Variants in HAUS6 observed in about 807,000 individuals in gnomAD.
The protein encoded by HAUS6 is HAUS augmin-like complex subunit 6.
Under a neutral mutation model 106.8 loss-of-function variants are expected in HAUS6, and 80 were observed. The observed-to-expected ratio is 0.75, with a 90% CI of 0.63 to 0.90. The LOEUF is 0.90. Ranked by LOEUF, HAUS6 falls within the 40% of genes least tolerant of loss-of-function variation. The pLI is 0.00. For synonymous variants in HAUS6, 356 were observed against 379.1 expected, an observed-to-expected ratio of 0.94 and a Z score of 0.71; for missense variants, 1,155 against 1,118.1, an observed-to-expected ratio of 1.03 and a Z score of -0.47.
rs763005651 is a variant in HAUS6, at chr9:19,058,215, G to C, written c.2552C>G (p.Ser851Cys). The change falls in exon 16 of 17, where the codon TCT becomes TGT. Residue 851 changes from serine to cysteine, a missense_variant. Transcript: ENST00000380502. The part of the protein sequence containing the change: ...KKSLSKKREE[S>C]YLSNSQTPER... ...GGGTGTTTGGGAATTCGAGAGGTAA[G>C]ATTCTTCCCTTTTCTTGGAAAGAGA... The C allele has an allele frequency of 3.7e-6, 6 of 1,613,786 alleles. No homozygotes were observed. Among genetic ancestry groups the C allele is most frequent in the South Asian group, 1.1e-5 (1 of 91,074 alleles).
In HAUS6 at chr9:19,067,467, C is replaced by T. The variant is rs188609815; in HGVS notation, c.1376+2752G>A. Among the ~76,000 whole-genome samples, 358 of 152,270 alleles carry T rather than the reference C, an allele frequency of 2.4e-3. 2 individuals are homozygous for T. The highest frequency in any genetic ancestry group is 3.9e-3 in the Non-Finnish European group (268 of 68,024). ...CATTTATCCCTCACCACCAGGCCTT[C>T]CCCTACCTCCCTTCAGTATTTCAAA... On this transcript the variant is annotated intron_variant, in intron 12 of 16. Coordinates refer to ENST00000380502, the MANE Select transcript of HAUS6 (RefSeq NM_017645.5).
intron 7 of HAUS6, among the ~76,000 whole-genome samples, chr9:19,084,407 G>A (rs10963948): frequency 0.38 from 57,860 of 151,982 alleles, 11,737 homozygotes; most frequent in Non-Finnish European, 0.45. Flanking sequence ...TAGGGTGCTG[G>A]TAACATCCTA....
chr9:19,093,428 C>G, intron 3 of HAUS6, 125 bp from the exon 4 acceptor site: 3 of 858,394 alleles, frequency 3.5e-6, no homozygotes, highest in Admixed American at 2.5e-5. Context: ...TTCATAAGTA[C>G]TATGCTATAG....
At chr9:19,097,404 A>G (rs1817886959) in intron 1 of HAUS6, among the ~76,000 whole-genome samples, 1 of 152,126 alleles carries the variant, frequency 6.6e-6, no homozygotes, top group African/African-American at 2.4e-5. Context: ...AATTTACAAG[A>G]AAAAAACAAA....
In HAUS6 at chr9:19,076,657, G is replaced by A. The variant is rs1204308130; in HGVS notation, c.1239C>T (p.Ala413=). The change falls in exon 11 of 17, where the codon GCC becomes GCT. Residue 413 remains alanine, a synonymous_variant. Coordinates refer to ENST00000380502, the MANE Select transcript of HAUS6 (RefSeq NM_017645.5). The part of the protein sequence containing the change: ...PPMSPLSFDP[A]SEEVYAKSIL... ...TACTCTTTGCATACACTTCTTCTGA[G>A]GCAGGATCAAACGAAAGGGGAGACA... The A allele has an allele frequency of 1.3e-6, 2 of 1,594,418 alleles. No homozygotes were observed. The highest frequency in any genetic ancestry group is 2.2e-5 in the East Asian group (1 of 44,724).
chr9:19,062,933 T>C (rs1417658043), intron 14 of HAUS6, 75 bp downstream of exon 14: 5 of 1,120,554 alleles, frequency 4.5e-6, no homozygotes, highest in Non-Finnish European at 6.6e-6. Flanking sequence ...CCCCAAGTGT[T>C]GGGATTACAG....
At chr9:19,068,397 T>C (rs1166304209) in intron 12 of HAUS6, among the ~76,000 whole-genome samples, 1 of 152,146 alleles carries the variant, frequency 6.6e-6, no homozygotes, top group Non-Finnish European at 1.5e-5. Context: ...GAAGATTTCA[T>C]TATTTTTCTT....
At chr9:19,077,982 G>A (rs1837047778) in intron 10 of HAUS6, among the ~76,000 whole-genome samples, 194 bp downstream of exon 10, 2 of 151,998 alleles carry the variant, frequency 1.3e-5, no homozygotes, top group Admixed American at 1.3e-4. Context: ...GATTGCTTGA[G>A]CCCGGAAGTT....
rs567667069 is a variant in HAUS6, at chr9:19,084,929, C to CT, written c.699+1804dup. On this transcript the variant is annotated intron_variant, in intron 7 of 16. Coordinates refer to ENST00000380502, the MANE Select transcript of HAUS6 (RefSeq NM_017645.5). ...GGCGTGAGCCACTGTACCCCCGCCT[C>CT]TTTTTTTTTTCTTTTTTAAGACGGG... 2.4e-4 allele frequency among the ~76,000 whole-genome samples: 36 copies of CT among 149,062 alleles called. No homozygotes were observed. In the East Asian group the frequency reaches 4.5e-3, roughly 19 times the overall value.
chr9:19,095,119 C>A (rs180985624), intron 2 of HAUS6, among the ~76,000 whole-genome samples: 36 of 151,710 alleles, frequency 2.4e-4, no homozygotes, highest in African/African-American at 8.7e-4. Flanking sequence ...AAATGGCATA[C>A]AAGATTATGA....
At chr9:19,080,057 G>A (rs201803776) in intron 9 of HAUS6, among the ~76,000 whole-genome samples, 3 of 149,958 alleles carry the variant, frequency 2.0e-5, no homozygotes, top group African/African-American at 7.4e-5. Context: ...GCCTGTAATC[G>A]CAGCTACTCA....
At position 19,056,399 on chromosome 9, in the gene HAUS6, C is replaced by T. The variant is rs749487544; in HGVS notation, c.2812G>A (p.Asp938Asn). 9.1e-6 allele frequency: 14 copies of T among 1,545,180 alleles called. No individual in the cohort carries two copies. In the South Asian group the frequency reaches 1.6e-4, roughly 17 times the overall value. ...GCATCAAGGCTCTTATTCAAAATGT[C>T]TTCTTCTGCAAATTGATTTTAAAAA... ...LGELPNLKEE[D>N]ILNKSLDAKE... The change falls in exon 17 of 17, where the codon GAC (aspartate) becomes AAC (asparagine). Residue 938 changes from aspartate to asparagine, a missense_variant. Asp to Asn is a conservative substitution (Grantham distance 23, BLOSUM62 1). Coordinates refer to ENST00000380502, the MANE Select transcript of HAUS6 (RefSeq NM_017645.5).
intron 1 of HAUS6, among the ~76,000 whole-genome samples, chr9:19,099,216 G>C (rs1168976877): frequency 6.6e-6 from 1 of 150,748 alleles, no homozygotes; most frequent in Non-Finnish European, 1.5e-5. Flanking sequence ...CCCCAGGCTG[G>C]AGTGCAGCGG....
At chr9:19,061,640 A>C (rs2171956) in intron 14 of HAUS6, among the ~76,000 whole-genome samples, 5 of 152,062 alleles carry the variant, frequency 3.3e-5, no homozygotes, top group Non-Finnish European at 7.4e-5. Flanking sequence ...TTCGAGACCA[A>C]CCTGGGCAAA....
rs1564006039 is a variant in HAUS6 at position 19,058,687 on chromosome 9, T to C, written c.2080A>G (p.Lys694Glu). Residue 694 changes from lysine to glutamate, a missense_variant, in exon 16 of 17, where the codon AAG (lysine) becomes GAG (glutamate). Around this residue, in one of 3 missense-constraint regions of HAUS6, gnomAD observed 380 missense variants for 394.8 expected, o/e 0.96. Coordinates refer to ENST00000380502, the MANE Select transcript of HAUS6 (RefSeq NM_017645.5). ...SDLLNKKVIC[K>E]QDLECLAFTK... ...AAGGCTAAACATTCCAAATCTTGCT[T>C]GCAAATTACTTTCTTATTTAACAAA... The C allele has an allele frequency of 1.2e-6, 2 of 1,612,766 alleles. No individual in the cohort carries two copies. Among genetic ancestry groups the C allele is most frequent in the Non-Finnish European group, 1.7e-6 (2 of 1,178,840 alleles).
intron 16 of HAUS6, chr9:19,056,695 G>C (rs1338490620): frequency 1.5e-5 from 4 of 258,998 alleles, no homozygotes; most frequent in African/African-American, 2.2e-5. Flanking sequence ...CAAACTCCCA[G>C]GCCCAAGCAA....
At position 19,080,462 on chromosome 9, in the gene HAUS6, A is replaced by G; in HGVS notation, c.1064+17T>C. 6.5e-7 allele frequency: 1 copy of G among 1,545,680 alleles called. No homozygotes were observed. Among genetic ancestry groups the G allele is most frequent in the Non-Finnish European group, 8.9e-7 (1 of 1,120,548 alleles). On this transcript the variant is annotated intron_variant, in intron 9 of 16. Coordinates refer to ENST00000380502, the MANE Select transcript of HAUS6 (RefSeq NM_017645.5). ...CCTACTCCTCCCACAGTAAAATAAC[A>G]GATCTTTTTAGTGTACCTCATATGT...
intron 2 of HAUS6, 45 bp downstream of exon 2, chr9:19,096,629 C>T: frequency 1.4e-6 from 1 of 698,566 alleles, no homozygotes; most frequent in African/African-American, 2.1e-5. Flanking sequence ...TGTCCATTTT[C>T]AAATTTGGAA....
rs186400274 is a variant in HAUS6, at chr9:19,098,820, C to T, written c.129-2051G>A. 2.0e-3 allele frequency among the ~76,000 whole-genome samples: 302 copies of T among 152,012 alleles called. 2 individuals are homozygous for T. The highest frequency in any genetic ancestry group is 4.2e-3 in the African/African-American group (173 of 41,474). On this transcript the variant is annotated intron_variant, in intron 1 of 16. Coordinates refer to ENST00000380502, the MANE Select transcript of HAUS6 (RefSeq NM_017645.5). ...GGTGGATCACCTGAGGTCGGGAGTT[C>T]GAGACCAGCCTGACCAACATGGAGA...
Sources: gnomAD v4.1 joint callset for allele counts (sites outside exome capture counted in the v4.1 genomes callset) on GRCh38, gnomAD v4.1.1 for gene constraint, gnomAD v4.1.1 regional missense constraint, MANE v1.5 for transcripts, NCBI Gene and HGNC (gene_info 2026-07-23, HGNC 2026-07-21) for gene names.